The following MECR variants were observed in gnomAD, a reference collection of about 807,000 sequenced individuals.
MECR encodes enoyl-[acyl-carrier-protein] reductase, mitochondrial.
A neutral mutation model predicts 49.1 loss-of-function variants in MECR; 37 were observed. The observed-to-expected ratio is 0.75, with a 90% CI of 0.58 to 0.99. MECR has a LOEUF of 0.99. Among genes scored for constraint, MECR ranks in the 50% least tolerant of loss-of-function variants. The probability of loss-of-function intolerance (pLI) is 0.00; values close to 1 mark genes in which losing one functional copy is unlikely to be tolerated. For missense variants in MECR, 470 were observed against 479.6 expected (o/e 0.98, Z 0.19); for synonymous variants, 198 against 191.1 (o/e 1.04, Z -0.30).
At chr1:29,223,049 A>T (rs1681155902) in intron 1 of MECR, 1 of 976,898 alleles carries the variant, frequency 1.0e-6, no homozygotes, top group Non-Finnish European at 1.2e-6. Flanking sequence ...CAAACAAACA[A>T]AACTCACCAA....
chr1:29,229,709 A>C (rs1332820091), intron 1 of MECR, among the ~76,000 whole-genome samples: 1 of 152,170 alleles, frequency 6.6e-6, no homozygotes, highest in African/African-American at 2.4e-5. Context: ...AAGATGATGA[A>C]ACCGAGGCTC....
intron 7 of MECR, 198 bp downstream of exon 7, chr1:29,200,318 A>C (rs1015632897): frequency 3.9e-5 from 18 of 459,302 alleles, no homozygotes; most frequent in African/African-American, 3.0e-4. Flanking sequence ...ATAGGCCAAA[A>C]TTTTGGTCAT....
downstream of MECR, among the ~76,000 whole-genome samples, chr1:29,192,168 G>T (rs563510239): frequency 6.6e-6 from 1 of 152,102 alleles, no homozygotes; most frequent in African/African-American, 2.4e-5. Flanking sequence ...CCTCCCTAGG[G>T]CTTCAGGGTA....
chr1:29,225,195 A>C (rs1232789547), intron 1 of MECR, among the ~76,000 whole-genome samples: 1 of 152,194 alleles, frequency 6.6e-6, no homozygotes, highest in Non-Finnish European at 1.5e-5. Flanking sequence ...GTCCCCTCTG[A>C]GCTGGTTTCA....
At chr1:29,219,233 A>G (rs1680192261) in intron 1 of MECR, among the ~76,000 whole-genome samples, 1 of 152,200 alleles carries the variant, frequency 6.6e-6, no homozygotes, top group Admixed American at 6.5e-5. Context: ...CCCAGAGCAA[A>G]TGGATTTCGG....
chr1:29,213,182 G>A (rs941909356), intron 3 of MECR, among the ~76,000 whole-genome samples: 2 of 152,256 alleles, frequency 1.3e-5, no homozygotes, highest in Non-Finnish European at 2.9e-5. Context: ...AGAGCACTCT[G>A]AGGGCAGGAA....
downstream of MECR, among the ~76,000 whole-genome samples, chr1:29,189,281 A>G (rs971077939): frequency 1.9e-4 from 27 of 144,428 alleles, no homozygotes; most frequent in African/African-American, 7.9e-4. Flanking sequence ...CATGTTGGCC[A>G]GGGTGGTCTG....
In MECR at chr1:29,193,858, G is replaced by C. The variant is rs1276852122; in HGVS notation, c.*164C>G. ...TTCAGACTTTATTAGATACCTTAAG[G>C]CTGGCCCTGGGGAAAACCGTGGCTG... is the stretch of plus-strand genomic sequence containing the variant. On this transcript the variant is annotated 3_prime_UTR_variant, in exon 10 of 10. Transcript: ENST00000263702. 3.9e-6 allele frequency: 3 copies of C among 772,078 alleles called. No individual in the cohort carries two copies. The South Asian group carries it at 5.3e-5, about 14-fold the overall frequency. 47.8% of individuals were successfully genotyped at this position (772,078 alleles called of 1,614,324 possible).
At chr1:29,230,642 A>AC (rs1028009090) in intron 1 of MECR, 89 bp downstream of exon 1, 45 of 1,480,986 alleles carry the variant, frequency 3.0e-5, no homozygotes, top group Admixed American at 1.9e-4. Flanking sequence ...CCTTCCTCGG[A>AC]CCCTGTCCCT....
intron 3 of MECR, among the ~76,000 whole-genome samples, chr1:29,210,439 C>T (rs896796186): frequency 1.3e-5 from 2 of 152,136 alleles, no homozygotes; most frequent in African/African-American, 2.4e-5. Context: ...GGGCTTCCCC[C>T]GGACTGGCCT....
the MECR span, among the ~76,000 whole-genome samples, chr1:29,186,729 G>A: frequency 1.3e-5 from 2 of 152,144 alleles, no homozygotes; most frequent in African/African-American, 2.4e-5. Context: ...TCAAGGACTC[G>A]TGAGAAGAGT....
At chr1:29,173,840 T>C in the MECR span, among the ~76,000 whole-genome samples, 1 of 151,980 alleles carries the variant, frequency 6.6e-6, no homozygotes, top group Non-Finnish European at 1.5e-5. Flanking sequence ...ATTCTAAACA[T>C]TTTAATTAGA....
At position 29,193,878 on chromosome 1, in the gene MECR, T is replaced by C; in HGVS notation, c.*144A>G. The C allele has an allele frequency of 2.1e-6, 2 of 973,766 alleles. No individual in the cohort carries two copies. 60.3% of individuals were successfully genotyped at this position (973,766 alleles called of 1,614,324 possible). On this transcript the variant is annotated 3_prime_UTR_variant, in exon 10 of 10. Transcript: ENST00000263702. ...TTAAGGCTGGCCCTGGGGAAAACCG[T>C]GGCTGGCTTCACCATCCTCCTAATA...
intron 5 of MECR, 34 bp from the exon 6 acceptor site, chr1:29,202,079 G>A (rs935896269): frequency 6.3e-7 from 1 of 1,583,986 alleles, no homozygotes. Flanking sequence ...GGTCACATCT[G>A]CCAGCTTTTT....
At chr1:29,230,603 C>T (rs1423713681) in intron 1 of MECR, 128 bp downstream of exon 1, 5 of 1,248,462 alleles carry the variant, frequency 4.0e-6, no homozygotes, top group East Asian at 5.3e-5. Context: ...ACGCCCTGGG[C>T]TTCGGCTTCG....
In MECR at chr1:29,230,855, G is replaced by T. The variant is rs200671357; in HGVS notation, c.52C>A (p.Arg18=). Residue 18 remains arginine, a synonymous_variant, in exon 1 of 10, where the codon CGG becomes AGG. Coordinates refer to ENST00000263702, the MANE Select transcript of MECR (RefSeq NM_016011.5). The part of the protein sequence containing the change: ...WRVRTPARQW[R]GLLPASGCHG... ...CAGCCAGAAGCTGGGAGCAGCCCCC[G>T]CCACTGCCGGGCGGGGGTTCGCACC... 1 of 1,607,360 alleles carries T rather than the reference G, an allele frequency of 6.2e-7. No individual in the cohort carries two copies.
At chr1:29,203,598 C>A (rs1035991965) in intron 4 of MECR, among the ~76,000 whole-genome samples, 3 of 152,236 alleles carry the variant, frequency 2.0e-5, no homozygotes, top group African/African-American at 4.8e-5. Context: ...CTTCTCTCTT[C>A]CTTCCTATTG....
chr1:29,181,478 T>C, the MECR span, among the ~76,000 whole-genome samples: 1 of 152,120 alleles, frequency 6.6e-6, no homozygotes, highest in Non-Finnish European at 1.5e-5. Flanking sequence ...GCAGGCGCAG[T>C]GGGAACCGGG....
the MECR span, among the ~76,000 whole-genome samples, chr1:29,184,073 T>C: frequency 6.8e-6 from 1 of 147,020 alleles, no homozygotes; most frequent in African/African-American, 2.5e-5. Context: ...AGAGAAGGGG[T>C]TTCACTATGT....
Sources: allele counts gnomAD v4.1 joint callset (sites outside exome capture counted in the v4.1 genomes callset), GRCh38; gene constraint gnomAD v4.1.1; transcripts MANE v1.5; gene names NCBI Gene and HGNC (gene_info 2026-07-23, HGNC 2026-07-21).